TMEM38B: variants seen among roughly 807,000 people sequenced by gnomAD.
The protein encoded by TMEM38B is trimeric intracellular cation channel type B.
Under a neutral mutation model 28.7 loss-of-function variants are expected in TMEM38B, and 24 were observed. That is an observed-to-expected ratio of 0.84 (90% CI 0.61 to 1.18). TMEM38B has a LOEUF of 1.18. TMEM38B is among the 50% of genes most tolerant of loss of function. The pLI is 0.00. For missense variants in TMEM38B, 380 were observed against 350.9 expected (o/e 1.08, Z -0.66); for synonymous variants, 131 against 127.7 (o/e 1.03, Z -0.17).
intron 4 of TMEM38B, among the ~76,000 whole-genome samples, chr9:105,730,403 C>T (rs1337144328): frequency 6.6e-6 from 1 of 152,218 alleles, no homozygotes; most frequent in Non-Finnish European, 1.5e-5. Context: ...ACCAGCCTTG[C>T]ATCCCAAGGA....
At chr9:105,765,201 A>G (rs1826326455) in intron 5 of TMEM38B, among the ~76,000 whole-genome samples, 1 of 152,208 alleles carries the variant, frequency 6.6e-6, no homozygotes, top group South Asian at 2.1e-4. Context: ...TATTTTGCAA[A>G]TTGAGATTAA....
chr9:105,769,495 T>C (rs1240797370), intron 5 of TMEM38B, among the ~76,000 whole-genome samples: 2 of 152,106 alleles, frequency 1.3e-5, no homozygotes, highest in Non-Finnish European at 2.9e-5. Context: ...TTTGTATTTT[T>C]TGTACAATTT....
intron 5 of TMEM38B, among the ~76,000 whole-genome samples, chr9:105,766,069 A>C (rs1248083059): frequency 6.6e-6 from 1 of 152,132 alleles, no homozygotes; most frequent in Non-Finnish European, 1.5e-5. Context: ...CCAGTGCTGG[A>C]ATTACAGGCG....
chr9:105,769,625 T>C (rs1371487191), intron 5 of TMEM38B, among the ~76,000 whole-genome samples: 1 of 152,238 alleles, frequency 6.6e-6, no homozygotes, highest in East Asian at 1.9e-4. Context: ...AATCAGGCAC[T>C]CCTGCAAATG....
At chr9:105,695,210 T>TCGCCACTCGC (rs1564380934) in intron 1 of TMEM38B, among the ~76,000 whole-genome samples, 3 of 152,032 alleles carry the variant, frequency 2.0e-5, no homozygotes, top group Admixed American at 6.5e-5. Flanking sequence ...GCTCGCAGTG[T>TCGCCACTCGC]TTGAAAGTCA....
intron 1 of TMEM38B, among the ~76,000 whole-genome samples, chr9:105,698,128 T>C (rs1465262139): frequency 2.0e-5 from 3 of 151,900 alleles, no homozygotes; most frequent in Admixed American, 2.0e-4. Context: ...TTTTTTTTTT[T>C]CTGTGAGCTA....
chr9:105,747,694 G>T (rs985914759), intron 4 of TMEM38B, among the ~76,000 whole-genome samples: 1 of 152,008 alleles, frequency 6.6e-6, no homozygotes, highest in Non-Finnish European at 1.5e-5. Flanking sequence ...GATCTTTCCT[G>T]CTTTCTCTTG....
intron 5 of TMEM38B, chr9:105,759,755 G>A (rs542355671): frequency 1.5e-5 from 24 of 1,607,760 alleles, no homozygotes; most frequent in East Asian, 4.5e-5. Context: ...AAGCCATTCC[G>A]TGCTGGTTTT....
chr9:105,773,564 C>T (rs1826629072), intron 5 of TMEM38B, among the ~76,000 whole-genome samples: 1 of 152,236 alleles, frequency 6.6e-6, no homozygotes, highest in African/African-American at 2.4e-5. Flanking sequence ...ATGTTAAATG[C>T]ATAGTGATGT....
chr9:105,694,753 G>A lies in TMEM38B; in HGVS notation c.93G>A (p.Met31Ile). Residue 31 changes from methionine to isoleucine, a missense_variant, in exon 1 of 6, where the codon ATG becomes ATA. Transcript: ENST00000374692. ...FDIAHYLVSVMAVKRQPGAAA... is the reference protein window; with the variant it reads ...FDIAHYLVSVIAVKRQPGAAA... ...TCGCGCACTATCTAGTGTCAGTGATGGCGGTGAAACGTCAGCCGGGTGAGT... is the reference window on the plus strand; with the variant it reads ...TCGCGCACTATCTAGTGTCAGTGATAGCGGTGAAACGTCAGCCGGGTGAGT... 6.2e-7 allele frequency: 1 copy of A among 1,612,712 alleles called. No homozygotes were observed. The highest frequency in any genetic ancestry group is 1.3e-5 in the African/African-American group (1 of 74,886).
intron 4 of TMEM38B, among the ~76,000 whole-genome samples, chr9:105,733,987 T>A (rs1209764305): frequency 6.6e-6 from 1 of 152,110 alleles, no homozygotes; most frequent in East Asian, 1.9e-4. Flanking sequence ...TTTGTGCTAA[T>A]TTTGGGTTTA....
At chr9:105,747,501 A>G (rs560538841) in intron 4 of TMEM38B, among the ~76,000 whole-genome samples, 1 of 151,798 alleles carries the variant, frequency 6.6e-6, no homozygotes, top group African/African-American at 2.4e-5. Flanking sequence ...CGGTCTATCA[A>G]TTTTGCTGAT....
In TMEM38B at chr9:105,755,817, A is replaced by G. The variant is rs547096244; in HGVS notation, c.660+7627A>G. On this transcript the variant is annotated intron_variant, in intron 5 of 5. Transcript: ENST00000374692. ...ATTTTATACTAAATACAATTGTTTT[A>G]AAATTTCACTTCCAGGCTGTTTATT... 2.6e-5 allele frequency among the ~76,000 whole-genome samples: 4 copies of G among 152,336 alleles called. No homozygotes were observed. In the South Asian group the frequency reaches 8.3e-4, roughly 32 times the overall value.
At chr9:105,723,825 G>A (rs1342181148) in intron 4 of TMEM38B, among the ~76,000 whole-genome samples, 1 of 151,914 alleles carries the variant, frequency 6.6e-6, no homozygotes, top group Non-Finnish European at 1.5e-5. Flanking sequence ...CACTGTGCCT[G>A]GCCGAACTCA....
At chr9:105,769,304 A>C (rs775404890) in intron 5 of TMEM38B, among the ~76,000 whole-genome samples, 26 of 152,234 alleles carry the variant, frequency 1.7e-4, no homozygotes, top group Non-Finnish European at 3.7e-4. Flanking sequence ...ACTGGCACAA[A>C]ATTTTAAATT....
chr9:105,756,141 T>G (rs1417613439), intron 5 of TMEM38B, among the ~76,000 whole-genome samples: 1 of 152,166 alleles, frequency 6.6e-6, no homozygotes, highest in African/African-American at 2.4e-5. Context: ...AGAGCCAGAC[T>G]CTGTCTCAAA....
intron 4 of TMEM38B, among the ~76,000 whole-genome samples, chr9:105,746,062 G>A (rs995821478): frequency 3.9e-5 from 6 of 152,086 alleles, no homozygotes; most frequent in Admixed American, 2.0e-4. Flanking sequence ...TTGGCAATGC[G>A]GGCTCTTTTT....
chr9:105,699,442 G>A (rs1356811349), intron 1 of TMEM38B, among the ~76,000 whole-genome samples: 1 of 151,958 alleles, frequency 6.6e-6, no homozygotes, highest in Admixed American at 6.6e-5. Context: ...CTTTATTTTG[G>A]TATGCACTCT....
intron 4 of TMEM38B, among the ~76,000 whole-genome samples, chr9:105,725,352 G>T (rs949553149): frequency 2.7e-5 from 4 of 149,552 alleles, no homozygotes; most frequent in Non-Finnish European, 5.9e-5. Context: ...ATGCTCTTGT[G>T]TCCCAAGCAC....
Sources: allele counts gnomAD v4.1 joint callset (sites outside exome capture counted in the v4.1 genomes callset), GRCh38; gene constraint gnomAD v4.1.1; transcripts MANE v1.5; gene names NCBI Gene and HGNC (gene_info 2026-07-23, HGNC 2026-07-21).